The following DPEP1 variants were observed in gnomAD, a reference collection of about 807,000 sequenced individuals.
DPEP1 encodes beta-lactamase.
DPEP1 carries 50 observed loss-of-function variants against 42.3 expected under a neutral mutation model. The observed-to-expected ratio is 1.18, with a 90% CI of 0.94 to 1.50. The LOEUF (loss-of-function observed/expected upper bound fraction) is 1.50. Ranked by LOEUF, DPEP1 falls within the 40% of genes most tolerant of loss-of-function variation. DPEP1 has a pLI of 0.00. For synonymous variants in DPEP1, 297 were observed against 234.0 expected (o/e 1.27, Z -2.46); for missense variants, 663 against 553.0 (o/e 1.20, Z -1.99).
chr16:89,638,647 G>A (rs1362561531), downstream of DPEP1, among the ~76,000 whole-genome samples: 9 of 149,250 alleles, frequency 6.0e-5, no homozygotes, highest in South Asian at 2.1e-4. Flanking sequence ...GCCATGCACC[G>A]GTGCACACAC....
rs1325860673 is a variant in DPEP1 at position 89,638,090 on chromosome 16, C to A, written c.1104C>A (p.Ile368=). 5 of 1,612,342 alleles carry A rather than the reference C, an allele frequency of 3.1e-6. No individual in the cohort carries two copies. The South Asian group carries it at 5.5e-5, about 18-fold the overall frequency. The change falls in exon 11 of 11, where the codon ATC becomes ATA. Residue 368 remains isoleucine, a synonymous_variant. Coordinates refer to ENST00000690203, the MANE Select transcript of DPEP1 (RefSeq NM_001389466.1). ...CACAGGCTCCCGAGGAGGAGCCCAT[C>A]CCGCTGGACCAGCTGGGTGGCTCCT... is the stretch of plus-strand genomic sequence containing the variant. The part of the protein sequence containing the change: ...NLTQAPEEEP[I]PLDQLGGSCR...
intron 1 of DPEP1, 80 bp from the exon 2 acceptor site, chr16:89,630,225 A>C: frequency 2.1e-6 from 1 of 465,634 alleles, no homozygotes. Context: ...CTGGTTACTT[A>C]TTGAACATGG....
At chr16:89,614,410 C>T (rs1276094383) in intron 1 of DPEP1, among the ~76,000 whole-genome samples, 1 of 152,178 alleles carries the variant, frequency 6.6e-6, no homozygotes, top group Non-Finnish European at 1.5e-5. Context: ...GAATTCTCTG[C>T]GCAGTCATCT....
At chr16:89,616,859 G>A (rs2059383486) in intron 1 of DPEP1, 1 of 230,836 alleles carries the variant, frequency 4.3e-6, no homozygotes, top group African/African-American at 2.4e-5. Context: ...CCAGGAAGCA[G>A]GCAGGAAGTG....
chr16:89,624,616 C>G (rs188997056), intron 1 of DPEP1, among the ~76,000 whole-genome samples: 2 of 151,930 alleles, frequency 1.3e-5, no homozygotes, highest in Non-Finnish European at 2.9e-5. Context: ...CTCACTGCAA[C>G]CTCTGCCTCC....
chr16:89,638,022 G>A (rs1485443786), intron 10 of DPEP1, 30 bp from the exon 11 acceptor site: 1 of 1,610,314 alleles, frequency 6.2e-7, no homozygotes, highest in African/African-American at 1.3e-5. Flanking sequence ...CAGCAGGCAG[G>A]CTGCCCCACC....
intron 2 of DPEP1, among the ~76,000 whole-genome samples, chr16:89,634,279 G>A (rs1447386385): frequency 1.3e-5 from 2 of 151,744 alleles, no homozygotes; most frequent in South Asian, 4.2e-4. Flanking sequence ...AGTAGAGACG[G>A]GGTTTCACCA....
rs548760657 is a variant in DPEP1 at position 89,630,419 on chromosome 16, C to G, written c.9C>G (p.Ser3Arg). 6.2e-7 allele frequency: 1 copy of G among 1,610,028 alleles called. No individual in the cohort carries two copies. The highest frequency in any genetic ancestry group is 1.3e-5 in the African/African-American group (1 of 74,408). ...TCCCCGGGGACCCCACCATGTGGAG[C>G]GGATGGTGGCTGTGGCCCCTTGTGG... MWSGWWLWPLVAV... is the reference protein window; with the variant it reads MWRGWWLWPLVAV... The change falls in exon 2 of 11, where the codon AGC becomes AGG. Residue 3 changes from serine to arginine, a missense_variant. Ser to Arg is a moderately radical substitution (Grantham distance 110). Coordinates refer to ENST00000690203, the MANE Select transcript of DPEP1 (RefSeq NM_001389466.1).
intron 1 of DPEP1, among the ~76,000 whole-genome samples, chr16:89,624,291 C>T (rs1023267459): frequency 6.6e-6 from 1 of 152,054 alleles, no homozygotes; most frequent in Non-Finnish European, 1.5e-5. Context: ...GTGGCACCAG[C>T]GTCTGCCTTT....
chr16:89,635,797 T>C (rs550516977), intron 2 of DPEP1, 111 bp from the exon 3 acceptor site: 3 of 1,399,740 alleles, frequency 2.1e-6, no homozygotes, highest in East Asian at 5.0e-5. Context: ...CAGTCCTGCG[T>C]CTGTCGTGAG....
chr16:89,617,602 C>T (rs1453580152), intron 1 of DPEP1, among the ~76,000 whole-genome samples: 1 of 151,984 alleles, frequency 6.6e-6, no homozygotes, highest in African/African-American at 2.4e-5. Context: ...AATCCCAGCA[C>T]TTTGGGAGGC....
intron 1 of DPEP1, among the ~76,000 whole-genome samples, chr16:89,618,754 C>T (rs971021115): frequency 1.1e-4 from 16 of 152,032 alleles, no homozygotes; most frequent in South Asian, 2.1e-4. Flanking sequence ...CACTGTTCCC[C>T]GGGCAAAGTT....
chr16:89,634,563 C>T, intron 2 of DPEP1, among the ~76,000 whole-genome samples: 1 of 106,076 alleles, frequency 9.4e-6, no homozygotes, highest in Non-Finnish European at 2.2e-5. Flanking sequence ...TTCTCCTTTC[C>T]CTTCCTTCTC....
chr16:89,627,729 C>T (rs1311717025), intron 1 of DPEP1, among the ~76,000 whole-genome samples: 2 of 127,358 alleles, frequency 1.6e-5, no homozygotes, highest in African/African-American at 3.0e-5. Context: ...GTTGCAATCT[C>T]GGCTCACTGC....
chr16:89,621,654 G>C (rs956470382), intron 1 of DPEP1, among the ~76,000 whole-genome samples: 1 of 152,206 alleles, frequency 6.6e-6, no homozygotes, highest in East Asian at 1.9e-4. Context: ...GTGGGCTCCC[G>C]TCCCTCGCAC....
chr16:89,638,281 C>A lies in DPEP1; in HGVS notation c.*59C>A, dbSNP rs574507767. 1.4e-6 allele frequency: 2 copies of A among 1,479,706 alleles called. No individual in the cohort carries two copies. Among genetic ancestry groups the A allele is most frequent in the Non-Finnish European group, 1.8e-6 (2 of 1,117,242 alleles). The allele number at this position is 1,479,706 out of a possible 1,614,324, so 91.7% of individuals were successfully genotyped here. On this transcript the variant is annotated 3_prime_UTR_variant, in exon 11 of 11. Transcript: ENST00000690203. ...CGGAGCTCCGGGAAGACCCGCCCAT[C>A]CCAGGACTCCAGATGCCAGGAGCCC...
chr16:89,626,588 G>C (rs1298790505), intron 1 of DPEP1: 1 of 152,136 alleles, frequency 6.6e-6, no homozygotes, highest in African/African-American at 2.4e-5. Flanking sequence ...GACCTCAGGT[G>C]ATCCACCCGC....
At chr16:89,617,414 T>A (rs2059389414) in intron 1 of DPEP1, among the ~76,000 whole-genome samples, 1 of 152,144 alleles carries the variant, frequency 6.6e-6, no homozygotes, top group Non-Finnish European at 1.5e-5. Context: ...TCAGCTAACA[T>A]GAGCTCTGAG....
chr16:89,614,325 G>A (rs554081063), intron 1 of DPEP1, among the ~76,000 whole-genome samples: 206 of 152,248 alleles, frequency 1.4e-3, no homozygotes, highest in African/African-American at 4.4e-3. Flanking sequence ...CTCAGCTCAC[G>A]TACCCCTTCC....
Sources: gnomAD v4.1 joint callset for allele counts (sites outside exome capture counted in the v4.1 genomes callset) on GRCh38, gnomAD v4.1.1 for gene constraint, MANE v1.5 for transcripts, NCBI Gene and HGNC (gene_info 2026-07-23, HGNC 2026-07-21) for gene names.